The following GPM6A variants were observed in gnomAD, a reference collection of about 807,000 sequenced individuals.
GPM6A encodes the protein glycoprotein M6A, also known as neuronal membrane glycoprotein M6-a.
In GPM6A, 7 loss-of-function variants were observed where a neutral mutation model predicts 32.1. The observed-to-expected ratio is 0.22, with a 90% CI of 0.12 to 0.41. GPM6A has a LOEUF of 0.41. Among genes scored for constraint, GPM6A ranks in the 10% least tolerant of loss-of-function variants. GPM6A has a pLI of 1.00. For missense variants in GPM6A, 235 were observed against 347.2 expected (o/e 0.68, Z 2.57); for synonymous variants, 130 against 123.4 (o/e 1.05, Z -0.35).
intron 2 of GPM6A, among the ~76,000 whole-genome samples, chr4:175,698,583 A>G (rs1001034878): frequency 2.0e-5 from 3 of 152,140 alleles, no homozygotes; most frequent in African/African-American, 7.2e-5. Flanking sequence ...ACTTGGCACT[A>G]ATCGTATTAA....
chr4:175,844,540 G>T (rs1736032635), intron 1 of GPM6A, among the ~76,000 whole-genome samples: 1 of 152,102 alleles, frequency 6.6e-6, no homozygotes, highest in Admixed American at 6.6e-5. Flanking sequence ...GAACAGTGTT[G>T]TTCTCTCTAT....
At chr4:175,920,618 C>A (rs1411706300) in intron 1 of GPM6A, among the ~76,000 whole-genome samples, 1 of 152,054 alleles carries the variant, frequency 6.6e-6, no homozygotes, top group Non-Finnish European at 1.5e-5. Flanking sequence ...GAGGCCGAGG[C>A]AGGTGGATTG....
At chr4:175,730,841 A>G (rs1579437007) in intron 1 of GPM6A, among the ~76,000 whole-genome samples, 1 of 152,140 alleles carries the variant, frequency 6.6e-6, no homozygotes, top group South Asian at 2.1e-4. Context: ...TACATGATTC[A>G]GTTCTCATCT....
At chr4:175,996,167 G>A (rs1266108519) in intron 1 of GPM6A, among the ~76,000 whole-genome samples, 1 of 152,054 alleles carries the variant, frequency 6.6e-6, no homozygotes, top group African/African-American at 2.4e-5. Flanking sequence ...ATTTTTCTTT[G>A]TTTTTCAAAT....
intron 4 of GPM6A, among the ~76,000 whole-genome samples, chr4:175,645,583 T>C (rs1042478778): frequency 2.6e-5 from 4 of 151,642 alleles, no homozygotes; most frequent in Non-Finnish European, 5.9e-5. Context: ...TAGCCAGGCA[T>C]GGTGGCACAC....
chr4:175,755,933 G>A (rs753690006), intron 1 of GPM6A, among the ~76,000 whole-genome samples: 2 of 152,158 alleles, frequency 1.3e-5, no homozygotes, highest in African/African-American at 4.8e-5. Flanking sequence ...ACTATGAGGA[G>A]AGAAAACTGA....
At chr4:175,766,545 A>C (rs1371449429) in intron 1 of GPM6A, among the ~76,000 whole-genome samples, 1 of 152,090 alleles carries the variant, frequency 6.6e-6, no homozygotes, top group Non-Finnish European at 1.5e-5. Context: ...ATATTAACTT[A>C]TAAATAAAAT....
intron 1 of GPM6A, among the ~76,000 whole-genome samples, chr4:175,753,784 G>A (rs1414397197): frequency 2.0e-5 from 3 of 151,972 alleles, no homozygotes; most frequent in Non-Finnish European, 4.4e-5. Context: ...CATTTTTAGT[G>A]TATGAATCAA....
intron 1 of GPM6A, among the ~76,000 whole-genome samples, chr4:175,834,757 G>A (rs1195965320): frequency 6.6e-6 from 1 of 152,064 alleles, no homozygotes; most frequent in Non-Finnish European, 1.5e-5. Context: ...ACTACTATTA[G>A]AAAACAAAAA....
Position 175,911,026 on chromosome 4 carries a change from C to A in GPM6A, c.-23+91283G>T, listed in dbSNP as rs948063964. On this transcript the variant is annotated intron_variant, in intron 1 of 7. Transcript: ENST00000280187. ...TTGCTGGCTCACTCTTATACACAGT[C>A]CATTGCAAATGCTTACACATCCTAT... 1.2e-4 allele frequency among the ~76,000 whole-genome samples: 19 copies of A among 152,124 alleles called. 2 individuals carry two copies. Among genetic ancestry groups the A allele is most frequent in the Admixed American group, 1.2e-3 (18 of 15,268 alleles).
chr4:175,914,615 G>A (rs1442788932), intron 1 of GPM6A, among the ~76,000 whole-genome samples: 3 of 152,208 alleles, frequency 2.0e-5, no homozygotes, highest in East Asian at 1.9e-4. Flanking sequence ...GAGCCACCGC[G>A]TCCGCCTGCA....
intron 2 of GPM6A, among the ~76,000 whole-genome samples, chr4:175,686,510 G>A (rs73020141): frequency 7.2e-4 from 109 of 152,242 alleles, no homozygotes; most frequent in African/African-American, 2.4e-3. Flanking sequence ...AGAGACACAC[G>A]GAAGAAAAGA....
chr4:175,807,661 GAA>G (rs1276810541), intron 1 of GPM6A: 4 of 152,192 alleles, frequency 2.6e-5, no homozygotes, highest in Non-Finnish European at 5.9e-5. Flanking sequence ...GGCTGCCCTT[GAA>G]AAAGTTTTCA....
Position 175,889,705 on chromosome 4 carries a change from C to T in GPM6A, c.-22-77456G>A, listed in dbSNP as rs563865536. 1.3e-4 allele frequency among the ~76,000 whole-genome samples: 19 copies of T among 151,898 alleles called. No homozygotes were observed. In the South Asian group the frequency reaches 4.0e-3, roughly 32 times the overall value. On this transcript the variant is annotated intron_variant, in intron 1 of 7. Transcript: ENST00000280187. ...GCGGACGCCTGTAGTCCCAGCTACT[C>T]GGGAGGCTGAGGCAGGAGAATGGCG... is the stretch of plus-strand genomic sequence containing the variant.
At chr4:175,984,023 T>TCACACACACA (rs138248018) in intron 1 of GPM6A, among the ~76,000 whole-genome samples, 21 of 150,196 alleles carry the variant, frequency 1.4e-4, no homozygotes, top group African/African-American at 4.6e-4. Context: ...TCTCTCTCTG[T>TCACACACACA]CACACACACA....
At chr4:175,847,141 A>C (rs543644876) in intron 1 of GPM6A, among the ~76,000 whole-genome samples, 1 of 152,176 alleles carries the variant, frequency 6.6e-6, no homozygotes, top group Non-Finnish European at 1.5e-5. Context: ...AGGAAAACAC[A>C]TAGAATATGC....
intron 2 of GPM6A, among the ~76,000 whole-genome samples, chr4:175,678,031 A>G (rs968617230): frequency 2.6e-5 from 4 of 152,182 alleles, no homozygotes; most frequent in African/African-American, 9.6e-5. Flanking sequence ...ATATATATGG[A>G]AAAAACAGCG....
chr4:175,661,797 C>A (rs1451194823), intron 3 of GPM6A, among the ~76,000 whole-genome samples: 3 of 151,998 alleles, frequency 2.0e-5, no homozygotes, highest in African/African-American at 7.2e-5. Flanking sequence ...GAAATTATAA[C>A]ACAAAAATAG....
chr4:175,863,409 C>T (rs1736631562), intron 1 of GPM6A, among the ~76,000 whole-genome samples: 1 of 152,076 alleles, frequency 6.6e-6, no homozygotes, highest in African/African-American at 2.4e-5. Flanking sequence ...TACATATCAA[C>T]AATCCATTAC....
Sources: allele counts gnomAD v4.1 joint callset (sites outside exome capture counted in the v4.1 genomes callset), GRCh38; gene constraint gnomAD v4.1.1; transcripts MANE v1.5; gene names NCBI Gene and HGNC (gene_info 2026-07-23, HGNC 2026-07-21).